KAT6B: variants seen among roughly 807,000 people sequenced by gnomAD.
The protein encoded by KAT6B is lysine acetyltransferase 6B, also known as histone acetyltransferase KAT6B.
A neutral mutation model predicts 187.5 loss-of-function variants in KAT6B; 10 were observed. The ratio of observed to expected loss-of-function variants is 0.05; its 90% CI spans 0.03 to 0.09. The LOEUF (loss-of-function observed/expected upper bound fraction) is 0.09. Ranked by LOEUF, KAT6B falls within the 10% of genes least tolerant of loss-of-function variation. KAT6B has a pLI of 1.00. For synonymous variants in KAT6B, 861 were observed against 926.8 expected, an observed-to-expected ratio of 0.93 and a Z score of 1.29; for missense variants, 1,952 against 2,558.9, an observed-to-expected ratio of 0.76 and a Z score of 5.12.
At chr10:74,878,487 G>A (rs773035903) in intron 3 of KAT6B, among the ~76,000 whole-genome samples, 4 of 151,956 alleles carry the variant, frequency 2.6e-5, no homozygotes, top group Non-Finnish European at 4.4e-5. Flanking sequence ...GGGTATGGTA[G>A]CATGTGCCTG....
chr10:74,863,132 A>G (rs974017506), intron 3 of KAT6B, among the ~76,000 whole-genome samples: 2 of 152,222 alleles, frequency 1.3e-5, no homozygotes, highest in African/African-American at 4.8e-5. Context: ...ATACATTATC[A>G]CTGCAAATTT....
At chr10:75,014,015 T>C (rs565976875) in intron 13 of KAT6B, among the ~76,000 whole-genome samples, 1 of 152,370 alleles carries the variant, frequency 6.6e-6, no homozygotes, top group African/African-American at 2.4e-5. Context: ...GTGCACATGG[T>C]CTCAAAGTAT....
At chr10:74,984,419 A>G (rs938583005) in intron 11 of KAT6B, 5 of 152,382 alleles carry the variant, frequency 3.3e-5, no homozygotes, top group Admixed American at 6.5e-5. Flanking sequence ...CCTCCTGTCT[A>G]TAGCCATCAG....
At chr10:74,968,472 T>A (rs184466904) in intron 4 of KAT6B, among the ~76,000 whole-genome samples, 1 of 152,276 alleles carries the variant, frequency 6.6e-6, no homozygotes, top group East Asian at 1.9e-4. Context: ...AAGCCAAATC[T>A]CCTGGTGGGT....
chr10:74,861,172 C>A (rs1052367704), intron 3 of KAT6B, among the ~76,000 whole-genome samples: 1 of 151,594 alleles, frequency 6.6e-6, no homozygotes. Flanking sequence ...TGTGGTGACA[C>A]ACACCTGTAA....
At chr10:74,840,199 A>G (rs541250016) in intron 2 of KAT6B, among the ~76,000 whole-genome samples, 1 of 152,358 alleles carries the variant, frequency 6.6e-6, no homozygotes, top group South Asian at 2.1e-4. Context: ...GGTTGCATTT[A>G]TAATTGGATA....
intron 3 of KAT6B, among the ~76,000 whole-genome samples, chr10:74,876,686 G>A (rs1294983442): frequency 1.3e-5 from 2 of 152,028 alleles, no homozygotes; most frequent in East Asian, 3.9e-4. Flanking sequence ...GGCCGAGGTG[G>A]TCGGATCACC....
chr10:74,970,287 A>G lies in KAT6B; in HGVS notation c.928+186A>G, dbSNP rs1190106003. Among the ~76,000 whole-genome samples the G allele has an allele frequency of 9.2e-5, 14 of 151,672 alleles. 1 individual carries two copies. The East Asian group carries it at 2.5e-3, about 27-fold the overall frequency. ...TATAAAAGCATAGAAAAAAATACAT[A>G]TATATATGTGTATATATATACATAT... On this transcript the variant is annotated intron_variant, in intron 6 of 17. Transcript: ENST00000287239.
chr10:74,930,855 AT>A (rs1215103154), intron 3 of KAT6B, among the ~76,000 whole-genome samples: 1 of 152,050 alleles, frequency 6.6e-6, no homozygotes, highest in African/African-American at 2.4e-5. Flanking sequence ...CTAGATTGTA[AT>A]TTCCCCCTCG....
At chr10:74,990,682 C>A (rs1002373755) in intron 13 of KAT6B, among the ~76,000 whole-genome samples, 1 of 152,118 alleles carries the variant, frequency 6.6e-6, no homozygotes, top group Non-Finnish European at 1.5e-5. Context: ...TTATAGAGTC[C>A]TAGCTGTAAT....
chr10:74,914,234 A>G (rs1847479168), intron 3 of KAT6B, among the ~76,000 whole-genome samples: 2 of 152,272 alleles, frequency 1.3e-5, no homozygotes, highest in South Asian at 2.1e-4. Context: ...TAGTAAGTCC[A>G]TAGCATTTTG....
At chr10:74,958,620 A>T (rs779323340) in intron 3 of KAT6B, among the ~76,000 whole-genome samples, 15 of 152,230 alleles carry the variant, frequency 9.9e-5, no homozygotes, top group Admixed American at 2.0e-4. Flanking sequence ...AGCATTGCTG[A>T]TAGTAGTAAA....
At chr10:74,882,030 G>A (rs1447804325) in intron 3 of KAT6B, among the ~76,000 whole-genome samples, 1 of 152,156 alleles carries the variant, frequency 6.6e-6, no homozygotes, top group East Asian at 1.9e-4. Context: ...GGTGCCATGG[G>A]ATGGGGGAAT....
intron 3 of KAT6B, among the ~76,000 whole-genome samples, chr10:74,879,338 G>A (rs993067075): frequency 2.6e-5 from 4 of 152,142 alleles, no homozygotes; most frequent in Non-Finnish European, 5.9e-5. Flanking sequence ...AGGATGGTTG[G>A]CCATCCTAGT....
In KAT6B at chr10:75,031,177, TAA is replaced by T. The variant is rs3832681; in HGVS notation, c.*143_*144del. 3,555 of 872,278 alleles carry T rather than the reference TAA, an allele frequency of 4.1e-3. No homozygotes were observed. Among genetic ancestry groups the T allele is most frequent in the African/African-American group, 0.01 (588 of 56,734 alleles). 54.0% of individuals were successfully genotyped at this position (872,278 alleles called of 1,614,324 possible). ...AAAACATTTGTTGGCACCATTTATTTAAAAAAAAAAAAAGCTGTATGCAGCAG... is the reference window on the plus strand; with the variant it reads ...AAAACATTTGTTGGCACCATTTATTTAAAAAAAAAAAGCTGTATGCAGCAG... On this transcript the variant is annotated 3_prime_UTR_variant, in exon 18 of 18. Coordinates refer to ENST00000287239, the MANE Select transcript of KAT6B (RefSeq NM_012330.4).
chr10:74,988,906 C>A, intron 12 of KAT6B, 113 bp from the exon 13 acceptor site: 2 of 779,662 alleles, frequency 2.6e-6, no homozygotes, highest in Non-Finnish European at 4.7e-6. Flanking sequence ...TTGATCCTGA[C>A]CTAACCCATT....
chr10:74,944,134 A>G lies in KAT6B; in HGVS notation c.622-15836A>G, dbSNP rs183955924. On this transcript the variant is annotated intron_variant, in intron 3 of 17. Coordinates refer to ENST00000287239, the MANE Select transcript of KAT6B (RefSeq NM_012330.4). ...ATGTTGAGCAGTGATGCGGCCCAGG[A>G]ACAGCCTTGGATGACTTCACAGATT... 6.1e-3 allele frequency among the ~76,000 whole-genome samples: 931 copies of G among 152,322 alleles called. 3 individuals are homozygous for G. Among genetic ancestry groups the G allele is most frequent in the Non-Finnish European group, 0.01 (708 of 68,032 alleles).
At chr10:74,902,805 C>A (rs2132788477) in intron 3 of KAT6B, among the ~76,000 whole-genome samples, 1 of 152,270 alleles carries the variant, frequency 6.6e-6, no homozygotes, top group African/African-American at 2.4e-5. Flanking sequence ...CATCATTAAT[C>A]ATGTTATATT....
chr10:74,948,561 G>T (rs1840099775), intron 3 of KAT6B, among the ~76,000 whole-genome samples: 1 of 152,168 alleles, frequency 6.6e-6, no homozygotes, highest in African/African-American at 2.4e-5. Flanking sequence ...GGTTTCTCTT[G>T]GCAGGATTAA....
Sources: allele counts gnomAD v4.1 joint callset (sites outside exome capture counted in the v4.1 genomes callset), GRCh38; gene constraint gnomAD v4.1.1; transcripts MANE v1.5; gene names NCBI Gene and HGNC (gene_info 2026-07-23, HGNC 2026-07-21).